The following GMDS variants were observed in gnomAD, a reference collection of about 807,000 sequenced individuals.
GMDS encodes the protein GDP-mannose 4,6 dehydratase.
A neutral mutation model predicts 49.9 loss-of-function variants in GMDS; 20 were observed. The observed-to-expected ratio is 0.40, with a 90% CI of 0.28 to 0.58. The LOEUF is 0.58. GMDS is among the 20% of genes least tolerant of loss of function. The pLI is 0.42. For synonymous variants in GMDS, 177 were observed against 178.6 expected (o/e 0.99, Z 0.07); for missense variants, 362 against 481.4 (o/e 0.75, Z 2.32).
chr6:2,234,611 A>T (rs1174323859), intron 1 of GMDS, among the ~76,000 whole-genome samples: 1 of 151,984 alleles, frequency 6.6e-6, no homozygotes, highest in Non-Finnish European at 1.5e-5. Context: ...CTCCGTATCA[A>T]AAAAAATAAA....
Position 1,988,933 on chromosome 6 carries a change from G to A in GMDS, c.346-27967C>T, listed in dbSNP as rs138542049. Among the ~76,000 whole-genome samples, 773 of 152,166 alleles carry A rather than the reference G, an allele frequency of 5.1e-3. 3 individuals carry two copies. Among genetic ancestry groups the A allele is most frequent in the Non-Finnish European group, 9.1e-3 (618 of 67,986 alleles). On this transcript the variant is annotated intron_variant, in intron 4 of 10. Coordinates refer to ENST00000380815, the MANE Select transcript of GMDS (RefSeq NM_001500.4). ...AGCTGCACTTGTCAAGAGTTATGCC[G>A]GGAGCAGTGAGCAGTAAGAGCAGAA...
chr6:1,873,806 C>T (rs143077780), intron 7 of GMDS, among the ~76,000 whole-genome samples: 113 of 152,248 alleles, frequency 7.4e-4, no homozygotes, highest in Non-Finnish European at 1.5e-3. Context: ...AACACAACAC[C>T]CTACCCTGTT....
chr6:1,720,584 G>A (rs984173994), intron 9 of GMDS, among the ~76,000 whole-genome samples: 7 of 152,162 alleles, frequency 4.6e-5, no homozygotes, highest in African/African-American at 1.7e-4. Flanking sequence ...CACTACTGTG[G>A]TCCAAAAGTT....
At chr6:1,794,678 T>A (rs1276396844) in intron 7 of GMDS, among the ~76,000 whole-genome samples, 1 of 152,214 alleles carries the variant, frequency 6.6e-6, no homozygotes, top group East Asian at 1.9e-4. Context: ...GGTACCCAAA[T>A]CATTTTATAG....
At chr6:2,113,192 C>G (rs936195343) in intron 4 of GMDS, among the ~76,000 whole-genome samples, 2 of 152,096 alleles carry the variant, frequency 1.3e-5, no homozygotes, top group East Asian at 1.9e-4. Context: ...ACCTTCTGGT[C>G]CCCTGGGCAC....
chr6:2,144,099 C>T (rs1776437024), intron 1 of GMDS, among the ~76,000 whole-genome samples: 2 of 152,192 alleles, frequency 1.3e-5, no homozygotes, highest in Non-Finnish European at 2.9e-5. Flanking sequence ...TGTGCATTAG[C>T]CTTCTGAACA....
chr6:1,819,105 G>C (rs1770785802), intron 7 of GMDS, among the ~76,000 whole-genome samples: 1 of 151,902 alleles, frequency 6.6e-6, no homozygotes. Flanking sequence ...CTGCAATCTA[G>C]AACATGCCTT....
intron 7 of GMDS, among the ~76,000 whole-genome samples, chr6:1,880,210 G>A: frequency 6.7e-6 from 1 of 150,136 alleles, no homozygotes; most frequent in Non-Finnish European, 1.5e-5. Flanking sequence ...CACTTTGGGA[G>A]GCTGAGATGG....
chr6:2,068,402 G>C (rs1297016875), intron 4 of GMDS, among the ~76,000 whole-genome samples: 3 of 152,004 alleles, frequency 2.0e-5, no homozygotes, highest in Non-Finnish European at 4.4e-5. Context: ...CATAGTGTTG[G>C]AAGTTCTGAC....
chr6:1,689,265 G>A (rs58078488), intron 9 of GMDS, among the ~76,000 whole-genome samples: 11,519 of 152,134 alleles, frequency 0.076, 466 homozygotes, highest in African/African-American at 0.11. Flanking sequence ...CCTCTTCATC[G>A]GACTGCTCCA....
intron 4 of GMDS, among the ~76,000 whole-genome samples, chr6:2,114,828 G>C (rs1774751220): frequency 6.6e-6 from 1 of 152,100 alleles, no homozygotes; most frequent in Admixed American, 6.5e-5. Flanking sequence ...TAAACAAGCA[G>C]AGGTATATAG....
chr6:1,919,623 A>G (rs1391472836), intron 7 of GMDS, among the ~76,000 whole-genome samples: 1 of 152,236 alleles, frequency 6.6e-6, no homozygotes, highest in Non-Finnish European at 1.5e-5. Flanking sequence ...ATAGTTTCTG[A>G]AGCAACTCTA....
chr6:1,774,243 G>A (rs75738438), intron 7 of GMDS, among the ~76,000 whole-genome samples: 3,500 of 152,274 alleles, frequency 0.023, 133 homozygotes, highest in African/African-American at 0.079. Flanking sequence ...ATCTGGTGTG[G>A]AGAGATGTAC....
At chr6:1,674,947 T>C (rs1028414177) in intron 9 of GMDS, among the ~76,000 whole-genome samples, 1 of 151,966 alleles carries the variant, frequency 6.6e-6, no homozygotes, top group Non-Finnish European at 1.5e-5. Context: ...TTTCTTTTTT[T>C]CTTTTTTGAG....
chr6:1,954,010 G>C (rs913722362), intron 6 of GMDS, among the ~76,000 whole-genome samples: 11 of 152,042 alleles, frequency 7.2e-5, no homozygotes, highest in African/African-American at 2.7e-4. Context: ...TTTTTCCCTA[G>C]AGAGTCTATT....
In GMDS at chr6:1,680,110, C is replaced by T. The variant is rs373655707; in HGVS notation, c.987+46306G>A. ...GGCTAAGTCTTGTACACTGAAATTA[C>T]GCGCACTTTGTAGATGATATTTTCA... On this transcript the variant is annotated intron_variant, in intron 9 of 10. Transcript: ENST00000380815. Among the ~76,000 whole-genome samples the T allele has an allele frequency of 8.5e-5, 13 of 152,310 alleles. No individual in the cohort carries two copies. In the East Asian group the frequency reaches 1.5e-3, roughly 18 times the overall value.
intron 1 of GMDS, among the ~76,000 whole-genome samples, chr6:2,177,740 C>T (rs1262774234): frequency 6.6e-6 from 1 of 152,142 alleles, no homozygotes; most frequent in African/African-American, 2.4e-5. Flanking sequence ...CCACATCATA[C>T]TCAACAGGCA....
chr6:1,710,128 C>T (rs956661454), intron 9 of GMDS, among the ~76,000 whole-genome samples: 21 of 152,188 alleles, frequency 1.4e-4, no homozygotes, highest in Non-Finnish European at 1.5e-4. Flanking sequence ...TGTACGCTTC[C>T]CAAGAATCAC....
At chr6:1,949,499 A>C (rs1763239183) in intron 6 of GMDS, among the ~76,000 whole-genome samples, 1 of 152,220 alleles carries the variant, frequency 6.6e-6, no homozygotes, top group South Asian at 2.1e-4. Flanking sequence ...CAATTCCAGA[A>C]ATCTCACCTC....
Sources: allele counts gnomAD v4.1 joint callset (sites outside exome capture counted in the v4.1 genomes callset), GRCh38; gene constraint gnomAD v4.1.1; transcripts MANE v1.5; gene names NCBI Gene and HGNC (gene_info 2026-07-23, HGNC 2026-07-21).